Variants in FLNB observed in about 807,000 individuals in gnomAD.
FLNB encodes the protein filamin-B.
Under a neutral mutation model 250.6 loss-of-function variants are expected in FLNB, and 111 were observed. That is an observed-to-expected ratio of 0.44 (90% CI 0.38 to 0.52). The LOEUF is 0.52. Ranked by LOEUF, FLNB falls within the 20% of genes least tolerant of loss-of-function variation. The probability of loss-of-function intolerance (pLI) is 0.00; values close to 1 mark genes in which losing one functional copy is unlikely to be tolerated. For missense variants in FLNB, 2,869 were observed against 3,447.8 expected, an observed-to-expected ratio of 0.83 and a Z score of 4.20; for synonymous variants, 1,302 against 1,372.1, an observed-to-expected ratio of 0.95 and a Z score of 1.13.
intron 3 of FLNB, among the ~76,000 whole-genome samples, chr3:58,079,881 C>A (rs575974487): frequency 3.3e-5 from 5 of 152,138 alleles, no homozygotes; most frequent in African/African-American, 1.2e-4. Context: ...GGTCTGAGTT[C>A]AGTGTATTTT....
intron 4 of FLNB, among the ~76,000 whole-genome samples, chr3:58,085,251 G>A (rs2097215663): frequency 6.9e-6 from 1 of 145,498 alleles, no homozygotes; most frequent in African/African-American, 2.6e-5. Context: ...TTTTCAGGAG[G>A]AAGTGGCCTC....
intron 42 of FLNB, among the ~76,000 whole-genome samples, chr3:58,160,631 G>A (rs2107310889): frequency 6.6e-6 from 1 of 152,278 alleles, no homozygotes; most frequent in South Asian, 2.1e-4. Context: ...GTATGAGGAG[G>A]AGACCTATGA....
At chr3:58,044,883 C>G (rs2097151388) in intron 1 of FLNB, among the ~76,000 whole-genome samples, 1 of 152,152 alleles carries the variant, frequency 6.6e-6, no homozygotes, top group Non-Finnish European at 1.5e-5. Flanking sequence ...CAGCATGACT[C>G]GAGGATGGCT....
intron 35 of FLNB, 92 bp downstream of exon 35, chr3:58,148,456 A>G (rs1486209764): frequency 5.6e-6 from 8 of 1,440,450 alleles, no homozygotes; most frequent in South Asian, 1.2e-5. Context: ...GGGTAGCACA[A>G]TGGAGTGTGA....
intron 1 of FLNB, among the ~76,000 whole-genome samples, chr3:58,035,551 A>C (rs2097136895): frequency 6.6e-6 from 1 of 152,144 alleles, no homozygotes; most frequent in Admixed American, 6.6e-5. Flanking sequence ...ATGTGTGAGA[A>C]ATAAGGGGTT....
chr3:58,031,283 C>T (rs1162616312), intron 1 of FLNB, among the ~76,000 whole-genome samples: 1 of 152,154 alleles, frequency 6.6e-6, no homozygotes, highest in Non-Finnish European at 1.5e-5. Flanking sequence ...CACTCTGTCG[C>T]CCAGGCTGGA....
At chr3:58,063,435 A>G (rs573170929) in intron 1 of FLNB, among the ~76,000 whole-genome samples, 1 of 152,294 alleles carries the variant, frequency 6.6e-6, no homozygotes, top group East Asian at 1.9e-4. Flanking sequence ...GTGGGCTGAA[A>G]GGTCCAGATT....
At chr3:58,126,806 G>T (rs1432017549) in intron 24 of FLNB, 44 bp downstream of exon 24, 2 of 1,583,270 alleles carry the variant, frequency 1.3e-6, no homozygotes, top group Non-Finnish European at 8.7e-7. Context: ...AATTGATTTT[G>T]CAGGAAAATG....
chr3:58,080,783 C>T (rs565364460), intron 3 of FLNB, among the ~76,000 whole-genome samples: 98 of 145,776 alleles, frequency 6.7e-4, no homozygotes, highest in African/African-American at 2.4e-3. Context: ...TGAGCTACTG[C>T]GTCTGGCCTT....
chr3:58,114,053 T>C (rs55905032), intron 18 of FLNB, among the ~76,000 whole-genome samples: 59,891 of 152,018 alleles, frequency 0.39, 14,336 homozygotes, highest in East Asian at 0.97. Context: ...TGTCAGAACT[T>C]CATTCCTTTT....
intron 10 of FLNB, 59 bp downstream of exon 10, chr3:58,104,144 A>T (rs1303894246): frequency 1.3e-6 from 2 of 1,581,900 alleles, no homozygotes; most frequent in Non-Finnish European, 1.7e-6. Flanking sequence ...GGGCGGACTC[A>T]TGGGTAGTTG....
chr3:58,112,044 C>T, intron 17 of FLNB, 105 bp from the exon 18 acceptor site: 1 of 1,257,580 alleles, frequency 8.0e-7, no homozygotes, highest in African/African-American at 1.5e-5. Flanking sequence ...AGGCCCGTTG[C>T]TGGCTGTCAT....
chr3:58,123,554 C>G lies in FLNB; in HGVS notation c.3588C>G (p.Pro1196=), dbSNP rs1270771431. ...KDGTYAVTYV[P]LTAGMYTLTM... ...GCACCTACGCGGTGACCTACGTGCC[C>G]CTGACGGCCGGCATGTACACGTTGA... The change falls in exon 21 of 46, where the codon CCC becomes CCG. Residue 1196 remains proline (P), a synonymous_variant. Transcript: ENST00000295956. 1 of 1,608,170 alleles carries G rather than the reference C, an allele frequency of 6.2e-7. No individual in the cohort carries two copies. Among genetic ancestry groups the G allele is most frequent in the African/African-American group, 1.3e-5 (1 of 74,656 alleles).
Position 58,037,058 on chromosome 3 carries a change from C to CTTT in FLNB, c.292+28226_292+28228dup, listed in dbSNP as rs549716136. Among the ~76,000 whole-genome samples the CTTT allele has an allele frequency of 2.5e-4, 26 of 103,594 alleles. 1 individual carries two copies. Among genetic ancestry groups the CTTT allele is most frequent in the Non-Finnish European group, 3.4e-4 (17 of 49,408 alleles). The allele number at this position is 103,594 out of a possible 152,430, so 68.0% of individuals were successfully genotyped here. The stretch of plus-strand genomic sequence containing the variant: ...CTGGGCCCAGACTTGACATTAGAGT[C>CTTT]TTTTTTTTTTTTTTTTTTTTTTTTT... On this transcript the variant is annotated intron_variant, in intron 1 of 45. Coordinates refer to ENST00000295956, the MANE Select transcript of FLNB (RefSeq NM_001457.4).
intron 11 of FLNB, among the ~76,000 whole-genome samples, chr3:58,106,352 C>CTATATATATATATAGATATATATA (rs2097259517): frequency 7.5e-6 from 1 of 132,988 alleles, no homozygotes; most frequent in Non-Finnish European, 1.6e-5. Flanking sequence ...GTATTTAATA[C>CTATATATATATATAGATATATATA]TATATATATA....
intron 8 of FLNB, among the ~76,000 whole-genome samples, chr3:58,099,713 C>A (rs779871721): frequency 2.0e-5 from 3 of 152,196 alleles, no homozygotes; most frequent in Non-Finnish European, 2.9e-5. Context: ...GTTGAGACCA[C>A]TGGGCCAGAG....
At chr3:58,039,389 GTTC>G (rs1559651182) in intron 1 of FLNB, among the ~76,000 whole-genome samples, 1 of 151,536 alleles carries the variant, frequency 6.6e-6, no homozygotes, top group African/African-American at 2.4e-5. Flanking sequence ...TTGGTTCTCT[GTTC>G]ACTACAACTT....
At chr3:58,024,512 G>A (rs988919336) in intron 1 of FLNB, among the ~76,000 whole-genome samples, 1 of 152,056 alleles carries the variant, frequency 6.6e-6, no homozygotes, top group African/African-American at 2.4e-5. Context: ...CAGACTAGAT[G>A]AAGAAGCAAT....
chr3:58,094,041 C>G (rs1228397380), intron 4 of FLNB, among the ~76,000 whole-genome samples: 1 of 152,210 alleles, frequency 6.6e-6, no homozygotes, highest in Non-Finnish European at 1.5e-5. Flanking sequence ...TTGATTGTAT[C>G]AACGTCAATA....
Sources: gnomAD v4.1 joint callset for allele counts (sites outside exome capture counted in the v4.1 genomes callset) on GRCh38, gnomAD v4.1.1 for gene constraint, MANE v1.5 for transcripts, NCBI Gene and HGNC (gene_info 2026-07-23, HGNC 2026-07-21) for gene names.